POLR2F: variants seen among roughly 807,000 people sequenced by gnomAD.
POLR2F encodes the protein RNA polymerase II, I and III subunit F.
POLR2F carries 12 observed loss-of-function variants against 22.7 expected under a neutral mutation model. That is an observed-to-expected ratio of 0.53 (90% CI 0.34 to 0.86). The LOEUF is 0.86. Ranked by LOEUF, POLR2F falls within the 40% of genes least tolerant of loss-of-function variation. The pLI is 0.02. For missense variants in POLR2F, 126 were observed against 171.5 expected, an observed-to-expected ratio of 0.73 and a Z score of 1.48; for synonymous variants, 57 against 66.0, an observed-to-expected ratio of 0.86 and a Z score of 0.66.
intron 1 of POLR2F, among the ~76,000 whole-genome samples, chr22:37,995,169 G>A (rs758186508): frequency 3.9e-5 from 6 of 152,170 alleles, no homozygotes; most frequent in Non-Finnish European, 7.4e-5. Context: ...GGCCTCTGAC[G>A]TCTATCAGAT....
chr22:37,996,318 C>G (rs2084713446), intron 1 of POLR2F, among the ~76,000 whole-genome samples: 1 of 152,146 alleles, frequency 6.6e-6, no homozygotes, highest in Non-Finnish European at 1.5e-5. Flanking sequence ...GAGGGGGGAA[C>G]AGGAAGCACC....
chr22:37,954,754 A>C (rs146341590), intron 1 of POLR2F, among the ~76,000 whole-genome samples: 9 of 152,330 alleles, frequency 5.9e-5, no homozygotes, highest in African/African-American at 2.2e-4. Context: ...AAAGAGAGCT[A>C]GTCTGAAGAT....
downstream of POLR2F, chr22:37,972,137 G>C: frequency 2.6e-6 from 1 of 391,840 alleles, no homozygotes; most frequent in South Asian, 1.9e-5. Flanking sequence ...GGGGGAGAGA[G>C]AGAGGAGGGG....
chr22:38,017,000 A>G lies in POLR2F; in HGVS notation c.121-8869A>G, dbSNP rs1285066536. ...GTGCCGGGGGGCAGCGCAAGGGGCC[A>G]GCCAGCCCCCCACCCCAGCCTCTGC... On this transcript the variant is annotated intron_variant, in intron 1 of 2. Coordinates refer to the POLR2F transcript ENST00000333418. This position sits in a 1 kb window ranked among gnomAD's most constrained non-coding sequence, Gnocchi z 4.4. Among the ~76,000 whole-genome samples, 2 of 152,160 alleles carry G rather than the reference A, an allele frequency of 1.3e-5. No individual in the cohort carries two copies. The highest frequency in any genetic ancestry group is 1.9e-4 in the East Asian group (1 of 5,170).
At chr22:38,008,699 C>T (rs1390726220) in intron 1 of POLR2F, among the ~76,000 whole-genome samples, 1 of 151,776 alleles carries the variant, frequency 6.6e-6, no homozygotes, top group Non-Finnish European at 1.5e-5. Context: ...GGCGAGATCC[C>T]GTCTCTTCTA....
rs141442737 is a variant in POLR2F at position 37,993,678 on chromosome 22, C to T, written c.120+7366C>T. Reference sequence around the variant, plus strand: ...TCTCCTGTCTGTAAAATGAGAATCACGATACCTGCCATGTCACAAGGATAA... The same window carrying T: ...TCTCCTGTCTGTAAAATGAGAATCATGATACCTGCCATGTCACAAGGATAA... On this transcript the variant is annotated intron_variant, in intron 1 of 2. Coordinates refer to the POLR2F transcript ENST00000333418. Among the ~76,000 whole-genome samples the T allele has an allele frequency of 4.0e-3, 604 of 152,184 alleles. 5 individuals carry two copies. Among genetic ancestry groups the T allele is most frequent in the Non-Finnish European group, 6.0e-3 (408 of 68,002 alleles).
chr22:38,030,209 T>G (rs1040421895), downstream of POLR2F, among the ~76,000 whole-genome samples: 3 of 151,916 alleles, frequency 2.0e-5, no homozygotes, highest in African/African-American at 7.3e-5. Context: ...CAAGAACGAC[T>G]CCCCGAAGAT....
At chr22:37,974,195 T>G, downstream of POLR2F, 1 of 1,599,852 alleles carries the variant, frequency 6.3e-7, no homozygotes, top group Non-Finnish European at 8.5e-7. This position sits in a 1 kb window ranked among gnomAD's most constrained non-coding sequence, Gnocchi z 5.4. Flanking sequence ...GCCATGGCTC[T>G]GGCCTGGGTA....
intron 1 of POLR2F, among the ~76,000 whole-genome samples, chr22:38,010,090 C>G (rs1290151025): frequency 6.6e-6 from 1 of 152,120 alleles, no homozygotes; most frequent in East Asian, 1.9e-4. Context: ...AAGAAATGAT[C>G]AAGTCTGGGC....
At chr22:38,040,910 AC>A in intron 5 of POLR2F, 1 of 1,139,568 alleles carries the variant, frequency 8.8e-7, no homozygotes, top group Non-Finnish European at 1.3e-6. Flanking sequence ...GGGGGCAAGG[AC>A]CCTGGACAGG....
chr22:37,973,341 G>T, downstream of POLR2F: 3 of 604,646 alleles, frequency 5.0e-6, no homozygotes, highest in Non-Finnish European at 8.7e-6. Flanking sequence ...GGGTCATCAG[G>T]GCAGTGAGCC....
chr22:38,030,016 A>T (rs2085049847), downstream of POLR2F, among the ~76,000 whole-genome samples: 1 of 152,360 alleles, frequency 6.6e-6, no homozygotes, highest in Non-Finnish European at 1.5e-5. Flanking sequence ...CAGGAAACTA[A>T]GGAAGCAAGG....
upstream of POLR2F, chr22:37,984,014 C>G (rs571544134): frequency 3.1e-6 from 1 of 319,614 alleles, no homozygotes; most frequent in South Asian, 7.8e-5. This position sits in a 1 kb window ranked among gnomAD's most constrained non-coding sequence, Gnocchi z 4.4. Context: ...ACATGCCAGA[C>G]TCTAGGTGGG....
At chr22:37,956,988 G>A in intron 2 of POLR2F, 146 bp downstream of exon 2, 3 of 715,806 alleles carry the variant, frequency 4.2e-6, no homozygotes, top group Non-Finnish European at 7.6e-6. Context: ...CTGTGTTCCA[G>A]TCTTGCATAG....
rs780027289 is a variant in POLR2F, at chr22:38,025,673, C to G, written c.121-196C>G. ...CAGCATCTCCTCCCGCTGACTTCTC[C>G]CGACAGTCCTGCTGGGTGGATATCA... On this transcript the variant is annotated intron_variant, in intron 1 of 2. Coordinates refer to the POLR2F transcript ENST00000333418. The G allele has an allele frequency of 7.1e-6, 11 of 1,554,220 alleles. No individual in the cohort carries two copies. In the South Asian group the frequency reaches 1.0e-4, roughly 14 times the overall value.
intron 1 of POLR2F, among the ~76,000 whole-genome samples, chr22:38,011,784 C>CA (rs796601361): frequency 9.3e-4 from 140 of 151,212 alleles, no homozygotes; most frequent in Middle Eastern, 6.8e-3. Context: ...TTAATTTCTT[C>CA]AAAAAAAGCT....
chr22:38,034,354 G>A, intron 5 of POLR2F: 1 of 155,162 alleles, frequency 6.4e-6, no homozygotes. Context: ...AGTGGGGTCA[G>A]CCACTCCTGG....
At chr22:37,973,756 G>A (rs1283894850), downstream of POLR2F, 31 of 1,599,080 alleles carry the variant, frequency 1.9e-5, no homozygotes, top group Non-Finnish European at 2.6e-5. Context: ...TGAGGGAGGT[G>A]TAGGCGATCT....
chr22:37,968,014 G>A lies in POLR2F; in HGVS notation c.*299G>A. The stretch of plus-strand genomic sequence containing the variant: ...CTGCTGCAGGGGAGACACCTCAGCT[G>A]CCTTCCAAGCAGACAGACAAGTCTT... On this transcript the variant is annotated 3_prime_UTR_variant, in exon 5 of 5. Coordinates refer to ENST00000442738, the MANE Select transcript of POLR2F (RefSeq NM_021974.5). 9.5e-7 allele frequency: 1 copy of A among 1,048,566 alleles called. No individual in the cohort carries two copies. The highest frequency in any genetic ancestry group is 1.2e-6 in the Non-Finnish European group (1 of 869,528). The allele number at this position is 1,048,566 out of a possible 1,614,324, so 65.0% of individuals were successfully genotyped here.
Sources: gnomAD v4.1 joint callset for allele counts (sites outside exome capture counted in the v4.1 genomes callset) on GRCh38, gnomAD v4.1.1 for gene constraint, Gnocchi (gnomAD v3.1) non-coding constraint, MANE v1.5 for transcripts, NCBI Gene and HGNC (gene_info 2026-07-23, HGNC 2026-07-21) for gene names.